The following TBC1D30 variants were observed in gnomAD, a reference collection of about 807,000 sequenced individuals.
The protein encoded by TBC1D30 is TBC1 domain family member 30.
Under a neutral mutation model 63.2 loss-of-function variants are expected in TBC1D30, and 31 were observed. The ratio of observed to expected loss-of-function variants is 0.49; its 90% CI spans 0.37 to 0.66. The LOEUF is 0.66. Ranked by LOEUF, TBC1D30 falls within the 30% of genes least tolerant of loss-of-function variation. TBC1D30 has a pLI of 0.00. For synonymous variants in TBC1D30, 307 were observed against 361.5 expected, an observed-to-expected ratio of 0.85 and a Z score of 1.71; for missense variants, 810 against 953.6, an observed-to-expected ratio of 0.85 and a Z score of 1.98.
At chr12:64,854,847 G>A (rs1400166561) in intron 8 of TBC1D30, among the ~76,000 whole-genome samples, 3 of 152,096 alleles carry the variant, frequency 2.0e-5, no homozygotes, top group African/African-American at 7.2e-5. Flanking sequence ...CACAATTACA[G>A]TGTTATCCTA....
chr12:64,840,693 AG>A (rs550909086), intron 7 of TBC1D30, among the ~76,000 whole-genome samples: 1 of 152,238 alleles, frequency 6.6e-6, no homozygotes, highest in South Asian at 2.1e-4. Flanking sequence ...CTAATTACTA[AG>A]TGGAATGGCC....
Position 64,830,382 on chromosome 12 carries a change from G to A in TBC1D30, c.288G>A (p.Trp96Ter). The A allele has an allele frequency of 1.3e-6, 2 of 1,524,738 alleles. No individual in the cohort carries two copies. The highest frequency in any genetic ancestry group is 1.8e-6 in the Non-Finnish European group (2 of 1,138,358). 94.5% of individuals were successfully genotyped at this position (1,524,738 alleles called of 1,614,324 possible). ...GIPKEWRRKV[W>*]LTLADHYLHS... ...TTGTCTATGTAATATTTTAGGTTTG[G>A]TTGACCTTGGCAGATCATTATTTGC... is the stretch of plus-strand genomic sequence containing the variant. Residue 96 changes from tryptophan (W) to a stop codon, truncating the protein, a stop_gained, in exon 4 of 12, where the codon TGG becomes TGA. Transcript: ENST00000539867. LOFTEE classifies it high-confidence loss of function.
intron 1 of TBC1D30, 87 bp downstream of exon 1, chr12:64,825,120 C>G: frequency 6.9e-7 from 1 of 1,441,720 alleles, no homozygotes; most frequent in South Asian, 1.4e-5. Context: ...CCGTCTAGGC[C>G]GGGGAGCTCT....
chr12:64,781,494 T>C (rs1442284374), intron 1 of TBC1D30, among the ~76,000 whole-genome samples: 1 of 152,144 alleles, frequency 6.6e-6, no homozygotes. Context: ...CAAGCGTCAG[T>C]TGATGGAGTG....
chr12:64,823,622 C>T (rs983304377), upstream of TBC1D30, among the ~76,000 whole-genome samples: 1 of 152,074 alleles, frequency 6.6e-6, no homozygotes, highest in Admixed American at 6.6e-5. Flanking sequence ...CCACCGTGCC[C>T]AGACTATTTT....
chr12:64,763,543 T>C (rs1362113317), intron 1 of TBC1D30, among the ~76,000 whole-genome samples: 2 of 152,172 alleles, frequency 1.3e-5, no homozygotes, highest in South Asian at 2.1e-4. Flanking sequence ...TCTTTACTTC[T>C]TAATGTCAGG....
Position 64,875,574 on chromosome 12 carries a change from A to G in TBC1D30, c.2072A>G (p.Glu691Gly). The stretch of plus-strand genomic sequence containing the variant: ...CCAGAGCCGCCGAGTGCACCCGAAG[A>G]AAACAAAGCCACCAGCAAAGCTCCC... ...HCPEPPSAPE[E>G]NKATSKAPQG... The change falls in exon 12 of 12, where the codon GAA becomes GGA. Residue 691 changes from glutamate (E) to glycine (G), a missense_variant. Glu to Gly is a moderately conservative substitution (Grantham distance 98, BLOSUM62 -2). This residue lies in a region of TBC1D30 where 450 missense variants were observed against 473.0 expected (regional missense o/e 0.95). Coordinates refer to ENST00000539867, the MANE Select transcript of TBC1D30 (RefSeq NM_015279.2). The G allele has an allele frequency of 1.3e-6, 2 of 1,536,174 alleles. No individual in the cohort carries two copies. Among genetic ancestry groups the G allele is most frequent in the African/African-American group, 1.4e-5 (1 of 73,142 alleles).
intron 8 of TBC1D30, among the ~76,000 whole-genome samples, chr12:64,848,211 T>G (rs1280997392): frequency 1.3e-5 from 2 of 152,108 alleles, no homozygotes; most frequent in African/African-American, 2.4e-5. Flanking sequence ...TCCTGCTCCT[T>G]TTTTGCTTTC....
In TBC1D30 at chr12:64,879,266, A is replaced by G. The variant is rs1303290273; in HGVS notation, c.*3478A>G. 6.6e-6 allele frequency: 1 copy of G among 152,184 alleles called. No homozygotes were observed. Among genetic ancestry groups the G allele is most frequent in the African/African-American group, 2.4e-5 (1 of 41,446 alleles). The allele number at this position is 152,184 out of a possible 1,614,324, so 9.4% of individuals were successfully genotyped here. A position where few individuals can be genotyped will look rare whatever the true frequency, so the allele number is the denominator to read the frequency against. The stretch of plus-strand genomic sequence containing the variant: ...TTTCTGGTAAATGCTCTTATACAAT[A>G]TGATTTTTAGTGACTAATATTCCCT... On this transcript the variant is annotated 3_prime_UTR_variant, in exon 12 of 12. Coordinates refer to ENST00000539867, the MANE Select transcript of TBC1D30 (RefSeq NM_015279.2).
intron 2 of TBC1D30, among the ~76,000 whole-genome samples, chr12:64,812,012 A>T (rs1372063662): frequency 6.6e-6 from 1 of 152,222 alleles, no homozygotes; most frequent in East Asian, 1.9e-4. Flanking sequence ...TAGTAATTGC[A>T]TGACCTTGGA....
intron 2 of TBC1D30, among the ~76,000 whole-genome samples, chr12:64,807,893 G>A (rs945526910): frequency 7.3e-6 from 1 of 137,100 alleles, no homozygotes; most frequent in East Asian, 2.1e-4. Context: ...GGGACTACAG[G>A]CCCATGCCAC....
rs1025085863 is a variant in TBC1D30, at chr12:64,876,517, G to T, written c.*729G>T. 1 of 291,066 alleles carries T rather than the reference G, an allele frequency of 3.4e-6. No individual in the cohort carries two copies. Among genetic ancestry groups the T allele is most frequent in the Non-Finnish European group, 6.9e-6 (1 of 145,772 alleles). The allele number at this position is 291,066 out of a possible 1,614,324, so 18.0% of individuals were successfully genotyped here. On this transcript the variant is annotated 3_prime_UTR_variant, in exon 12 of 12. Coordinates refer to ENST00000539867, the MANE Select transcript of TBC1D30 (RefSeq NM_015279.2). ...CAGTTGCTCCGGACAGCTTGCTCGC[G>T]CCACTGAGCTTTTCCTGAGGTTTGT...
chr12:64,813,467 G>A (rs528637588), intron 2 of TBC1D30, among the ~76,000 whole-genome samples: 1 of 152,282 alleles, frequency 6.6e-6, no homozygotes, highest in South Asian at 2.1e-4. Context: ...TCTGGATGAG[G>A]AAACTGAGAC....
At chr12:64,821,123 G>A (rs2136345282), upstream of TBC1D30, among the ~76,000 whole-genome samples, 1 of 152,340 alleles carries the variant, frequency 6.6e-6, no homozygotes, top group South Asian at 2.1e-4. Flanking sequence ...TGACACATGG[G>A]TGAGTTGACA....
At chr12:64,834,632 C>T (rs1430800949) in intron 5 of TBC1D30, among the ~76,000 whole-genome samples, 1 of 151,478 alleles carries the variant, frequency 6.6e-6, no homozygotes, top group Non-Finnish European at 1.5e-5. Flanking sequence ...GTCTCAAACT[C>T]CTGACCTCTC....
At chr12:64,827,273 A>ATT (rs768614492) in intron 1 of TBC1D30, among the ~76,000 whole-genome samples, 19 of 152,180 alleles carry the variant, frequency 1.2e-4, no homozygotes, top group Non-Finnish European at 2.2e-4. Flanking sequence ...AACATGACGA[A>ATT]ACCCTGTTCT....
intron 5 of TBC1D30, among the ~76,000 whole-genome samples, chr12:64,833,366 T>A (rs1420093955): frequency 1.3e-5 from 2 of 152,122 alleles, no homozygotes. Context: ...AGAAATAGAG[T>A]GCTTATGAGA....
intron 4 of TBC1D30, among the ~76,000 whole-genome samples, chr12:64,831,567 T>G (rs924381260): frequency 6.6e-6 from 1 of 152,222 alleles, no homozygotes; most frequent in Non-Finnish European, 1.5e-5. Flanking sequence ...AGATATTGCC[T>G]TCATTAAAGC....
Position 64,878,505 on chromosome 12 carries a change from A to T in TBC1D30, c.*2717A>T, listed in dbSNP as rs1003346531. 6.6e-6 allele frequency: 3 copies of T among 456,714 alleles called. No individual in the cohort carries two copies. The highest frequency in any genetic ancestry group is 1.3e-5 in the Non-Finnish European group (3 of 226,960). 28.3% of individuals were successfully genotyped at this position (456,714 alleles called of 1,614,324 possible). On this transcript the variant is annotated 3_prime_UTR_variant, in exon 12 of 12. Coordinates refer to ENST00000539867, the MANE Select transcript of TBC1D30 (RefSeq NM_015279.2). ...TTACAAAAGCCTCCAGATGATCTAA[A>T]TCTAGTTAGCAATGTCAGCCTGTGG...
Sources: gnomAD v4.1 joint callset for allele counts (sites outside exome capture counted in the v4.1 genomes callset) on GRCh38, gnomAD v4.1.1 for gene constraint, gnomAD v4.1.1 regional missense constraint, MANE v1.5 for transcripts, NCBI Gene and HGNC (gene_info 2026-07-23, HGNC 2026-07-21) for gene names.